The following ARHGAP18 variants were observed in gnomAD, a reference collection of about 807,000 sequenced individuals.
ARHGAP18 encodes the protein Rho GTPase activating protein 18, also known as rho GTPase-activating protein 18.
In ARHGAP18, 67 loss-of-function variants were observed where a neutral mutation model predicts 86.2. That is an observed-to-expected ratio of 0.78 (90% CI 0.64 to 0.95). ARHGAP18 has a LOEUF of 0.95. ARHGAP18 is among the 40% of genes least tolerant of loss of function. ARHGAP18 has a pLI of 0.00. For missense variants in ARHGAP18, 691 were observed against 780.4 expected (o/e 0.89, Z 1.37); for synonymous variants, 283 against 280.4 (o/e 1.01, Z -0.09).
At chr6:129,654,936 C>T (rs1372684028) in intron 1 of ARHGAP18, among the ~76,000 whole-genome samples, 1 of 152,216 alleles carries the variant, frequency 6.6e-6, no homozygotes, top group Non-Finnish European at 1.5e-5. Flanking sequence ...ACCCATGCCC[C>T]TGCTTGTCAG....
chr6:129,655,170 T>C (rs1176462815), intron 1 of ARHGAP18, among the ~76,000 whole-genome samples: 1 of 151,108 alleles, frequency 6.6e-6, no homozygotes, highest in Non-Finnish European at 1.5e-5. Flanking sequence ...AAATACAAAA[T>C]TAGCCAGGTG....
At chr6:129,690,290 A>G (rs527786002) in intron 1 of ARHGAP18, among the ~76,000 whole-genome samples, 1 of 152,310 alleles carries the variant, frequency 6.6e-6, no homozygotes, top group East Asian at 1.9e-4. Flanking sequence ...TGCTGAACTA[A>G]ATATATGTTT....
At chr6:129,620,198 TC>T (rs914006084) in intron 5 of ARHGAP18, among the ~76,000 whole-genome samples, 2 of 152,232 alleles carry the variant, frequency 1.3e-5, no homozygotes, top group Admixed American at 1.3e-4. Context: ...CATTTATGTT[TC>T]ATATACACAT....
intron 1 of ARHGAP18, among the ~76,000 whole-genome samples, chr6:129,642,305 G>A (rs994146973): frequency 4.6e-5 from 7 of 152,094 alleles, no homozygotes; most frequent in South Asian, 2.1e-4. Flanking sequence ...ATTTTTTAGC[G>A]ACAAGGTCTT....
chr6:129,644,090 G>A (rs1773527223), intron 1 of ARHGAP18, among the ~76,000 whole-genome samples: 1 of 152,152 alleles, frequency 6.6e-6, no homozygotes, highest in African/African-American at 2.4e-5. Flanking sequence ...GCAACCTTGG[G>A]GTGGCGATGG....
Position 129,646,757 on chromosome 6 carries a change from G to T in ARHGAP18, c.114-4739C>A, listed in dbSNP as rs751432877. On this transcript the variant is annotated intron_variant, in intron 1 of 14. Transcript: ENST00000368149. ...CTTTTACAATATTACAGTTCATGTCGTCTCTGGGAAACTCCACTGTATTCT... is the reference window on the plus strand; with the variant it reads ...CTTTTACAATATTACAGTTCATGTCTTCTCTGGGAAACTCCACTGTATTCT... Among the ~76,000 whole-genome samples, 7 of 152,012 alleles carry T rather than the reference G, an allele frequency of 4.6e-5. No homozygotes were observed. In the South Asian group the frequency reaches 8.3e-4, roughly 18 times the overall value.
chr6:129,677,451 T>C (rs1774256453), intron 1 of ARHGAP18, among the ~76,000 whole-genome samples: 1 of 152,214 alleles, frequency 6.6e-6, no homozygotes, highest in South Asian at 2.1e-4. Context: ...CTTCTTTCCT[T>C]GTTCATAATA....
At position 129,608,064 on chromosome 6, in the gene ARHGAP18, GAAAAAAAA is replaced by G. The variant is rs577070164; in HGVS notation, c.1123-20_1123-13del. On this transcript the variant is annotated splice_polypyrimidine_tract_variant and intron_variant, in intron 8 of 14. Coordinates refer to ENST00000368149, the MANE Select transcript of ARHGAP18 (RefSeq NM_033515.3). ...TCTTGGCAAAGATTCTGATAGGCAC[GAAAAAAAA>G]AAAAAAAAAAAAAAGAAGCAGCTAG... The G allele has an allele frequency of 4.3e-4, 420 of 984,288 alleles. No homozygotes were observed. Among genetic ancestry groups the G allele is most frequent in the East Asian group, 1.5e-3 (32 of 21,652 alleles). 61.0% of individuals were successfully genotyped at this position (984,288 alleles called of 1,614,324 possible).
At chr6:129,652,642 T>G (rs1773739210) in intron 1 of ARHGAP18, among the ~76,000 whole-genome samples, 1 of 152,192 alleles carries the variant, frequency 6.6e-6, no homozygotes, top group Non-Finnish European at 1.5e-5. Context: ...AAGATACAAA[T>G]TCCCTCACAT....
At chr6:129,707,821 AGTTTT>A (rs1360358890) in intron 1 of ARHGAP18, among the ~76,000 whole-genome samples, 1 of 151,748 alleles carries the variant, frequency 6.6e-6, no homozygotes, top group Admixed American at 6.6e-5. Context: ...CCTTTTTAAG[AGTTTT>A]GTTTTGTTTT....
chr6:129,581,255 TCTC>T (rs1293513045), intron 13 of ARHGAP18, among the ~76,000 whole-genome samples: 5 of 152,066 alleles, frequency 3.3e-5, no homozygotes, highest in Admixed American at 6.6e-5. Context: ...CTCATCTGGT[TCTC>T]CTCCTTTCTC....
intron 1 of ARHGAP18, among the ~76,000 whole-genome samples, chr6:129,693,900 T>G (rs865887217): frequency 3.1e-4 from 44 of 141,968 alleles, no homozygotes; most frequent in Middle Eastern, 3.5e-3. Context: ...TTGCCCCAGT[T>G]ATACGAACAG....
intron 1 of ARHGAP18, among the ~76,000 whole-genome samples, chr6:129,668,080 T>C (rs1349907444): frequency 1.3e-5 from 2 of 152,172 alleles, no homozygotes; most frequent in South Asian, 2.1e-4. Context: ...CAAGATACCA[T>C]AGATATGTAA....
At chr6:129,584,166 C>T (rs200290802) in intron 12 of ARHGAP18, 54 bp from the exon 13 acceptor site, 131 of 1,607,580 alleles carry the variant, frequency 8.1e-5, no homozygotes, top group Non-Finnish European at 9.9e-5. Flanking sequence ...GAACGTGTAA[C>T]TCTACAATGC....
chr6:129,586,816 C>G (rs1788403762), intron 12 of ARHGAP18, among the ~76,000 whole-genome samples: 3 of 152,222 alleles, frequency 2.0e-5, no homozygotes. Flanking sequence ...ATAAAAAGGC[C>G]CAGCAGCACT....
Position 129,608,061 on chromosome 6 carries a change from CACG to C in ARHGAP18, c.1123-12_1123-10del, listed in dbSNP as rs1562687772. 7.1e-5 allele frequency: 50 copies of C among 704,388 alleles called. No homozygotes were observed. In the South Asian group the frequency reaches 7.2e-4, roughly 10 times the overall value. 43.6% of individuals were successfully genotyped at this position (704,388 alleles called of 1,614,324 possible). ...AGTTCTTGGCAAAGATTCTGATAGG[CACG>C]AAAAAAAAAAAAAAAAAAAAAAGAA... On this transcript the variant is annotated splice_polypyrimidine_tract_variant and intron_variant, in intron 8 of 14. Coordinates refer to ENST00000368149, the MANE Select transcript of ARHGAP18 (RefSeq NM_033515.3).
intron 1 of ARHGAP18, among the ~76,000 whole-genome samples, chr6:129,660,191 G>A (rs890044665): frequency 6.6e-6 from 1 of 152,202 alleles, no homozygotes; most frequent in Non-Finnish European, 1.5e-5. Context: ...TTTTAAACAA[G>A]CAAATGTCAC....
At chr6:129,649,141 T>C (rs539574145) in intron 1 of ARHGAP18, among the ~76,000 whole-genome samples, 1 of 152,330 alleles carries the variant, frequency 6.6e-6, no homozygotes, top group South Asian at 2.1e-4. Context: ...AATGCTATAG[T>C]CTTAAGGATG....
At chr6:129,675,076 C>A (rs983973263) in intron 1 of ARHGAP18, among the ~76,000 whole-genome samples, 1 of 152,156 alleles carries the variant, frequency 6.6e-6, no homozygotes, top group Non-Finnish European at 1.5e-5. Context: ...AACATCTGCA[C>A]AGGTATTTTT....
Sources: allele counts gnomAD v4.1 joint callset (sites outside exome capture counted in the v4.1 genomes callset), GRCh38; gene constraint gnomAD v4.1.1; transcripts MANE v1.5; gene names NCBI Gene and HGNC (gene_info 2026-07-23, HGNC 2026-07-21).